ABLIM2: variants seen among roughly 807,000 people sequenced by gnomAD.
ABLIM2 encodes the protein actin binding LIM protein family member 2.
In ABLIM2, 53 loss-of-function variants were observed where a neutral mutation model predicts 97.7. The observed-to-expected ratio is 0.54, with a 90% CI of 0.44 to 0.68. ABLIM2 has a LOEUF of 0.68. ABLIM2 is among the 30% of genes least tolerant of loss of function. The pLI is 0.00. For synonymous variants in ABLIM2, 361 were observed against 345.8 expected, an observed-to-expected ratio of 1.04 and a Z score of -0.49; for missense variants, 835 against 867.2, an observed-to-expected ratio of 0.96 and a Z score of 0.47.
chr4:8,133,406 G>A lies in ABLIM2; in HGVS notation c.10+25274C>T, dbSNP rs552093328. 4.2e-4 allele frequency among the ~76,000 whole-genome samples: 64 copies of A among 152,242 alleles called. 1 individual carries two copies. In the South Asian group the frequency reaches 8.7e-3, roughly 21 times the overall value. On this transcript the variant is annotated intron_variant, in intron 1 of 20. Transcript: ENST00000447017. ...AGGGAGTTTTCTCCCCGTCCCCTGCGGGGTATCTCTTCTCCTGCTCCCTCC... is the reference window on the plus strand; with the variant it reads ...AGGGAGTTTTCTCCCCGTCCCCTGCAGGGTATCTCTTCTCCTGCTCCCTCC...
chr4:7,982,269 G>GCACAT (rs1457264612), intron 20 of ABLIM2, among the ~76,000 whole-genome samples: 1 of 152,242 alleles, frequency 6.6e-6, no homozygotes, highest in East Asian at 1.9e-4. Flanking sequence ...CTGGCCCTGT[G>GCACAT]CACATGGGGT....
intron 2 of ABLIM2, among the ~76,000 whole-genome samples, chr4:8,105,258 C>T (rs959912635): frequency 1.3e-5 from 2 of 150,148 alleles, no homozygotes; most frequent in Admixed American, 6.6e-5. Flanking sequence ...CGAAATCCTT[C>T]CCTGTGGGCA....
In ABLIM2 at chr4:8,120,493, C is replaced by T. The variant is rs573207824; in HGVS notation, c.11-13856G>A. On this transcript the variant is annotated intron_variant, in intron 1 of 20. Transcript: ENST00000447017. The surrounding 1 kb of genome is among the most constrained non-coding windows in gnomAD (Gnocchi z 5.6). ...CCAGAGGGAACCCAACATGAAGACG[C>T]GGGAGAAGATGGCGACTTAGATGCC... is the stretch of plus-strand genomic sequence containing the variant. Among the ~76,000 whole-genome samples the T allele has an allele frequency of 2.0e-5, 3 of 151,886 alleles. No homozygotes were observed. Among genetic ancestry groups the T allele is most frequent in the African/African-American group, 2.4e-5 (1 of 41,328 alleles).
rs1031423235 is a variant in ABLIM2 at position 8,148,494 on chromosome 4, G to A, written c.10+10186C>T. ...GGTGCTTCTCAGCCGAATCACCTCG[G>A]GAGAGTTACCTAATTCCCTGGGCCT... On this transcript the variant is annotated intron_variant, in intron 1 of 20. Coordinates refer to ENST00000447017, the MANE Select transcript of ABLIM2 (RefSeq NM_001130083.2). The surrounding 1 kb of genome is among the most constrained non-coding windows in gnomAD (Gnocchi z 6.7). Among the ~76,000 whole-genome samples the A allele has an allele frequency of 2.0e-5, 3 of 152,156 alleles. No individual in the cohort carries two copies. Among genetic ancestry groups the A allele is most frequent in the African/African-American group, 4.8e-5 (2 of 41,440 alleles).
chr4:7,977,894 G>C (rs1734834450), intron 20 of ABLIM2, among the ~76,000 whole-genome samples: 1 of 152,056 alleles, frequency 6.6e-6, no homozygotes, highest in Non-Finnish European at 1.5e-5. Flanking sequence ...CAAAAAGCAG[G>C]ATGTCAAACC....
chr4:8,051,032 C>T (rs1487697342), intron 8 of ABLIM2, among the ~76,000 whole-genome samples: 1 of 152,284 alleles, frequency 6.6e-6, no homozygotes, highest in East Asian at 1.9e-4. Flanking sequence ...AGGCCAGTGA[C>T]CCGGAGGTCA....
Position 8,013,769 on chromosome 4 carries a change from C to T in ABLIM2, c.1424-4667G>A, listed in dbSNP as rs80332188. On this transcript the variant is annotated intron_variant, in intron 14 of 20. Coordinates refer to ENST00000447017, the MANE Select transcript of ABLIM2 (RefSeq NM_001130083.2). ...TGACTTGTACAAATCCACTTTCCCA[C>T]GGAGCAGCTGAAGAGAGATGCTTCC... 1.8e-3 allele frequency among the ~76,000 whole-genome samples: 268 copies of T among 152,310 alleles called. 2 individuals are homozygous for T. The highest frequency in any genetic ancestry group is 6.0e-3 in the African/African-American group (248 of 41,578).
In ABLIM2 at chr4:8,068,738, G is replaced by A. The variant is rs1160652874; in HGVS notation, c.676-7684C>T. Among the ~76,000 whole-genome samples the A allele has an allele frequency of 6.6e-6, 1 of 152,226 alleles. No individual in the cohort carries two copies. Among genetic ancestry groups the A allele is most frequent in the Non-Finnish European group, 1.5e-5 (1 of 68,040 alleles). On this transcript the variant is annotated intron_variant, in intron 6 of 20. Coordinates refer to ENST00000447017, the MANE Select transcript of ABLIM2 (RefSeq NM_001130083.2). This position sits in a 1 kb window ranked among gnomAD's most constrained non-coding sequence, Gnocchi z 4.5. The stretch of plus-strand genomic sequence containing the variant: ...TCAGCCGAGGGCCAGGGCTGGGCCT[G>A]CGGGCTGCACCTCCCTGCAGCAGGC...
intron 5 of ABLIM2, among the ~76,000 whole-genome samples, chr4:8,079,485 G>C (rs1818367666): frequency 6.6e-6 from 1 of 152,134 alleles, no homozygotes; most frequent in African/African-American, 2.4e-5. Flanking sequence ...ACACAGGCGG[G>C]GAAACTCATG....
At chr4:8,098,698 C>T (rs1315144767) in intron 2 of ABLIM2, among the ~76,000 whole-genome samples, 1 of 152,182 alleles carries the variant, frequency 6.6e-6, no homozygotes, top group Admixed American at 6.5e-5. Flanking sequence ...TGTCCCTGGG[C>T]AAGTTCCTTA....
At position 8,076,953 on chromosome 4, in the gene ABLIM2, A is replaced by G. The variant is rs190357026; in HGVS notation, c.675+675T>C. Among the ~76,000 whole-genome samples the G allele has an allele frequency of 8.1e-3, 626 of 76,848 alleles. 25 individuals are homozygous for G. The highest frequency in any genetic ancestry group is 0.034 in the African/African-American group (588 of 17,202). 50.4% of individuals were successfully genotyped at this position (76,848 alleles called of 152,430 possible). ...GTGGGGGGGTCTGTGAACCCAGAGA[A>G]GGTGGGCTGCAGGATGGTGGGATCT... On this transcript the variant is annotated intron_variant, in intron 6 of 20. Transcript: ENST00000447017.
At chr4:7,976,285 G>A (rs1343552202) in intron 20 of ABLIM2, among the ~76,000 whole-genome samples, 1 of 152,112 alleles carries the variant, frequency 6.6e-6, no homozygotes, top group Non-Finnish European at 1.5e-5. Context: ...ACTTCCCACA[G>A]ATCATCTGCA....
chr4:8,061,538 C>T lies in ABLIM2; in HGVS notation c.676-484G>A, dbSNP rs1803097965. 6.6e-6 allele frequency among the ~76,000 whole-genome samples: 1 copy of T among 151,894 alleles called. No individual in the cohort carries two copies. Among genetic ancestry groups the T allele is most frequent in the African/African-American group, 2.4e-5 (1 of 41,322 alleles). On this transcript the variant is annotated intron_variant, in intron 6 of 20. Coordinates refer to ENST00000447017, the MANE Select transcript of ABLIM2 (RefSeq NM_001130083.2). This position sits in a 1 kb window ranked among gnomAD's most constrained non-coding sequence, Gnocchi z 4.5. ...ACATCTCTGTATTGCTCAGTATGTT[C>T]AATGAGCATTTTGTTTTTATCATTC...
rs556313680 is a variant in ABLIM2, at chr4:8,021,102, C to T, written c.1268-799G>A. Among the ~76,000 whole-genome samples the T allele has an allele frequency of 3.9e-5, 6 of 152,168 alleles. No homozygotes were observed. The highest frequency in any genetic ancestry group is 1.3e-4 in the Admixed American group (2 of 15,282). On this transcript the variant is annotated intron_variant, in intron 12 of 20. Transcript: ENST00000447017. This position sits in a 1 kb window ranked among gnomAD's most constrained non-coding sequence, Gnocchi z 5.5. ...AACTCCTGGGCTCAAGCAATCTGCC[C>T]ACCTCTACCTCCCAAGGTGCTGGGA...
chr4:8,071,693 A>ACCCCCCCCCCC lies in ABLIM2; in HGVS notation c.675+5934_675+5935insGGGGGGGGGGG. The ACCCCCCCCCCC allele has an allele frequency of 1.2e-6, 1 of 819,830 alleles. No homozygotes were observed. Among genetic ancestry groups the ACCCCCCCCCCC allele is most frequent in the Non-Finnish European group, 1.5e-6 (1 of 679,292 alleles). 50.8% of individuals were successfully genotyped at this position (819,830 alleles called of 1,614,324 possible). On this transcript the variant is annotated intron_variant, in intron 6 of 20. Coordinates refer to ENST00000447017, the MANE Select transcript of ABLIM2 (RefSeq NM_001130083.2). This position sits in a 1 kb window ranked among gnomAD's most constrained non-coding sequence, Gnocchi z 6.2. ...ACACCTGACTGCTCTGTCCCCAAAA[A>ACCCCCCCCCCC]CCCACCCACCCGCAGCCCCTCCTGG...
intron 8 of ABLIM2, among the ~76,000 whole-genome samples, chr4:8,048,424 C>T (rs1226100528): frequency 1.3e-5 from 2 of 152,204 alleles, no homozygotes; most frequent in Non-Finnish European, 2.9e-5. Flanking sequence ...TCAACAGTCA[C>T]TGGGGAGGCC....
intron 8 of ABLIM2, among the ~76,000 whole-genome samples, chr4:8,045,650 G>A: frequency 6.6e-6 from 1 of 152,028 alleles, no homozygotes; most frequent in East Asian, 1.9e-4. Flanking sequence ...CCATCTCAAT[G>A]AATGAATGAA....
Position 8,061,672 on chromosome 4 carries a change from C to T in ABLIM2, c.676-618G>A, listed in dbSNP as rs1375524567. 6.6e-6 allele frequency among the ~76,000 whole-genome samples: 1 copy of T among 151,746 alleles called. No individual in the cohort carries two copies. The highest frequency in any genetic ancestry group is 2.4e-5 in the African/African-American group (1 of 41,294). On this transcript the variant is annotated intron_variant, in intron 6 of 20. Transcript: ENST00000447017. This position sits in a 1 kb window ranked among gnomAD's most constrained non-coding sequence, Gnocchi z 4.5. ...CTGGAGCAAAAAAAAAAAAAATCAC[C>T]CCGAAATGCTCCCTTTACCCCCACG... is the stretch of plus-strand genomic sequence containing the variant.
intron 14 of ABLIM2, among the ~76,000 whole-genome samples, chr4:8,013,904 GC>G (rs1766836741): frequency 6.6e-6 from 1 of 152,240 alleles, no homozygotes; most frequent in Non-Finnish European, 1.5e-5. Context: ...TGGCACAGGG[GC>G]CCCGTGTTTC....
Sources: allele counts gnomAD v4.1 joint callset (sites outside exome capture counted in the v4.1 genomes callset), GRCh38; gene constraint gnomAD v4.1.1; non-coding constraint Gnocchi (gnomAD v3.1); transcripts MANE v1.5; gene names NCBI Gene and HGNC (gene_info 2026-07-23, HGNC 2026-07-21).